The following KCNH3 variants were observed in gnomAD, a reference collection of about 807,000 sequenced individuals.
KCNH3 encodes potassium voltage-gated channel subfamily H member 3.
In KCNH3, 36 loss-of-function variants were observed where a neutral mutation model predicts 95.6. The ratio of observed to expected loss-of-function variants is 0.38; its 90% CI spans 0.29 to 0.50. The LOEUF (loss-of-function observed/expected upper bound fraction) is 0.50, where lower values mean the gene tolerates loss of function less well. KCNH3 is among the 20% of genes least tolerant of loss of function. The probability of loss-of-function intolerance (pLI) is 0.95; values close to 1 mark genes in which losing one functional copy is unlikely to be tolerated. For missense variants in KCNH3, 1,030 were observed against 1,484.1 expected, an observed-to-expected ratio of 0.69 and a Z score of 5.03; for synonymous variants, 620 against 646.3, an observed-to-expected ratio of 0.96 and a Z score of 0.62.
At chr12:49,548,531 G>T (rs910177166) in intron 7 of KCNH3, among the ~76,000 whole-genome samples, 1 of 152,138 alleles carries the variant, frequency 6.6e-6, no homozygotes, top group African/African-American at 2.4e-5. Flanking sequence ...TGAGGGCGGA[G>T]GTGGCCTCAC....
At chr12:49,548,160 G>A (rs1383717731) in intron 7 of KCNH3, among the ~76,000 whole-genome samples, 4 of 151,820 alleles carry the variant, frequency 2.6e-5, no homozygotes, top group South Asian at 2.1e-4. Flanking sequence ...GAATGTATTC[G>A]CCTGTGTGCT....
intron 2 of KCNH3, 100 bp from the exon 3 acceptor site, chr12:49,541,530 C>G: frequency 1.4e-6 from 2 of 1,412,764 alleles, no homozygotes; most frequent in Non-Finnish European, 1.9e-6. Flanking sequence ...ACCGCTAGAT[C>G]CTGCCTGTGT....
chr12:49,543,143 C>T (rs1937931735), intron 4 of KCNH3, 132 bp from the exon 5 acceptor site: 10 of 1,001,836 alleles, frequency 1.0e-5, no homozygotes, highest in African/African-American at 1.6e-5. Flanking sequence ...GATGCTAATG[C>T]CATCTCGAAG....
At chr12:49,556,673 C>G in intron 13 of KCNH3, 197 bp downstream of exon 13, 1 of 699,976 alleles carries the variant, frequency 1.4e-6, no homozygotes, top group Non-Finnish European at 2.6e-6. Context: ...TTCGACGCAG[C>G]CAGGAACTGG....
At chr12:49,550,043 T>TTGCCCC in intron 9 of KCNH3, 37 bp from the exon 10 acceptor site, 69 of 1,299,502 alleles carry the variant, frequency 5.3e-5, no homozygotes, top group Non-Finnish European at 6.9e-5. Flanking sequence ...CTTCTGCCAC[T>TTGCCCC]CCCAACCCCC....
At position 49,557,433 on chromosome 12, in the gene KCNH3, C is replaced by A; in HGVS notation, c.2732C>A (p.Ala911Glu). The A allele has an allele frequency of 6.2e-7, 1 of 1,605,188 alleles. No individual in the cohort carries two copies. The highest frequency in any genetic ancestry group is 8.5e-7 in the Non-Finnish European group (1 of 1,174,844). ...SLRQAVQLVL[A>E]PHREGPCPRA... ...CGCCAGGCTGTGCAGCTTGTCCTGG[C>A]GCCCCACAGGGAGGGTCCGTGCCCT... Residue 911 changes from alanine to glutamate, a missense_variant, in exon 15 of 15, where the codon GCG becomes GAG. By Grantham distance (107) the Ala-to-Glu change is moderately radical (BLOSUM62 -1). Around this residue, in one of 9 missense-constraint regions of KCNH3, gnomAD observed 464 missense variants for 493.2 expected, o/e 0.94. Transcript: ENST00000257981.
chr12:49,544,102 G>T, intron 6 of KCNH3, 30 bp downstream of exon 6: 2 of 1,606,148 alleles, frequency 1.2e-6, no homozygotes, highest in Non-Finnish European at 1.7e-6. Flanking sequence ...CTGGGTGGGT[G>T]GGCTTGGCCA....
rs140646304 is a variant in KCNH3 at position 49,544,235 on chromosome 12, C to A, written c.1042C>A (p.Arg348=). The A allele has an allele frequency of 5.0e-6, 8 of 1,597,380 alleles. No individual in the cohort carries two copies. The Admixed American group carries it at 1.2e-4, about 24-fold the overall frequency. ...GCTGCGCCTGCTGCGCCTGCTTCCG[C>A]GGCTGGACCGGTACTCGCAGTACAG... is the stretch of plus-strand genomic sequence containing the variant. ...RLLRLLRLLP[R]LDRYSQYSAV... is the part of the protein sequence containing the mutation. Residue 348 remains arginine, a synonymous_variant, in exon 7 of 15, where the codon CGG becomes AGG. Coordinates refer to ENST00000257981, the MANE Select transcript of KCNH3 (RefSeq NM_012284.3).
Position 49,557,643 on chromosome 12 carries a change from C to T in KCNH3, c.2942C>T (p.Ala981Val). The T allele has an allele frequency of 6.2e-6, 10 of 1,613,334 alleles. No homozygotes were observed. The highest frequency in any genetic ancestry group is 8.5e-6 in the Non-Finnish European group (10 of 1,179,752). ...LMAPWPWGPP[A>V]SQSSPWPRAT... ...GCACCCTGGCCCTGGGGTCCCCCAG[C>T]GTCTCAGAGCTCCCCCTGGCCTCGA... The change falls in exon 15 of 15, where the codon GCG becomes GTG. Residue 981 changes from alanine (A) to valine (V), a missense_variant. Transcript: ENST00000257981.
intron 11 of KCNH3, among the ~76,000 whole-genome samples, chr12:49,555,249 G>C: frequency 6.8e-6 from 1 of 147,674 alleles, no homozygotes; most frequent in Non-Finnish European, 1.5e-5. Context: ...GACCATCCTC[G>C]CTAACACGGT....
chr12:49,551,632 C>A (rs1323283830), intron 10 of KCNH3, among the ~76,000 whole-genome samples: 1 of 150,240 alleles, frequency 6.7e-6, no homozygotes, highest in Non-Finnish European at 1.5e-5. Context: ...AGCTCTATGG[C>A]TGCAAGAGAC....
rs1938417695 is a variant in KCNH3, at chr12:49,555,741, T to C, written c.2258T>C (p.Leu753Pro). Residue 753 changes from leucine (L) to proline (P), a missense_variant, in exon 12 of 15, where the codon CTG becomes CCG. This residue lies in a region of KCNH3 where 464 missense variants were observed against 493.2 expected (regional missense o/e 0.94). Coordinates refer to ENST00000257981, the MANE Select transcript of KCNH3 (RefSeq NM_012284.3). ...CCAGCTGATGAGCCCTCCAGCCCCC[T>C]GCTGTCCCCTGGCTGCACCTCCTCA... ...PAPADEPSSP[L>P]LSPGCTSSSS... 6.2e-7 allele frequency: 1 copy of C among 1,613,230 alleles called. No individual in the cohort carries two copies. The highest frequency in any genetic ancestry group is 1.7e-5 in the Admixed American group (1 of 59,946).
rs1399572090 is a variant in KCNH3 at position 49,549,187 on chromosome 12, C to T, written c.1468+14C>T. ...TGCTCATCGGCGGTGAGCCCGGCCG[C>T]GCGCGTCTTCCCGGGGCCACTCCCA... On this transcript the variant is annotated intron_variant, in intron 8 of 14. Coordinates refer to ENST00000257981, the MANE Select transcript of KCNH3 (RefSeq NM_012284.3). 3 of 1,568,612 alleles carry T rather than the reference C, an allele frequency of 1.9e-6. No homozygotes were observed. Among genetic ancestry groups the T allele is most frequent in the Admixed American group, 1.8e-5 (1 of 55,240 alleles).
Position 49,544,200 on chromosome 12 carries a change from C to CG in KCNH3, c.1009dup (p.Val337GlyfsTer59). On this transcript the variant is annotated frameshift_variant, in exon 7 of 15. Coordinates refer to ENST00000257981, the MANE Select transcript of KCNH3 (RefSeq NM_012284.3). LOFTEE classifies it high-confidence loss of function. ...TACTTCGGGGCCCATCTGCTGAAGACGGTGCGCCTGCTGCGCCTGCTGCGC... is the reference window on the plus strand; with the variant it reads ...TACTTCGGGGCCCATCTGCTGAAGACGGGTGCGCCTGCTGCGCCTGCTGCGC... 7.3e-7 allele frequency: 1 copy of CG among 1,372,494 alleles called. No homozygotes were observed. Among genetic ancestry groups the CG allele is most frequent in the African/African-American group, 1.5e-5 (1 of 66,800 alleles). 85.0% of individuals were successfully genotyped at this position (1,372,494 alleles called of 1,614,324 possible). A position where few individuals can be genotyped will look rare whatever the true frequency, so the allele number is the denominator to read the frequency against.
At chr12:49,551,795 G>A (rs555127270) in intron 10 of KCNH3, among the ~76,000 whole-genome samples, 1 of 151,488 alleles carries the variant, frequency 6.6e-6, no homozygotes, top group African/African-American at 2.4e-5. Flanking sequence ...GACTGCTGAA[G>A]CCCTGGGGCT....
At position 49,541,108 on chromosome 12, in the gene KCNH3, G is replaced by T; in HGVS notation, c.286G>T (p.Glu96Ter). 1 of 1,607,484 alleles carries T rather than the reference G, an allele frequency of 6.2e-7. No homozygotes were observed. ...GGACGAGCACAAGGAGTTCAAGGCT[G>T]AGCTGATCCTGTACCGGAAGAGCGG... ...ALDEHKEFKA[E>*]LILYRKSGLP... Residue 96 changes from glutamate (E) to a stop codon, truncating the protein, a stop_gained, in exon 2 of 15, where the codon GAG becomes TAG. Transcript: ENST00000257981. LOFTEE classifies it high-confidence loss of function.
At chr12:49,543,593 T>A (rs1013267535) in intron 5 of KCNH3, 75 bp downstream of exon 5, 179 of 1,543,928 alleles carry the variant, frequency 1.2e-4, no homozygotes, top group Admixed American at 2.1e-4. Flanking sequence ...TCCACGTGGC[T>A]TCCAGGGTGC....
At position 49,539,422 on chromosome 12, in the gene KCNH3, G is replaced by C. The variant is rs1320854975; in HGVS notation, c.6G>C (p.Pro2=). Residue 2 remains proline (P), a synonymous_variant, in exon 1 of 15, where the codon CCG becomes CCC. Coordinates refer to ENST00000257981, the MANE Select transcript of KCNH3 (RefSeq NM_012284.3). This position sits in a 1 kb window ranked among gnomAD's most constrained non-coding sequence, Gnocchi z 6.7. M[P]AMRGLLAPQN... is the part of the protein sequence containing the mutation. ...GGCAGCCGCGGGCGCCTAAGATGCCGGCCATGCGGGGCCTCCTGGCGCCGC... is the reference window on the plus strand; with the variant it reads ...GGCAGCCGCGGGCGCCTAAGATGCCCGCCATGCGGGGCCTCCTGGCGCCGC... 18 of 1,557,684 alleles carry C rather than the reference G, an allele frequency of 1.2e-5. No homozygotes were observed. Among genetic ancestry groups the C allele is most frequent in the Non-Finnish European group, 1.6e-5 (18 of 1,156,512 alleles).
In KCNH3 at chr12:49,550,475, G is replaced by A. The variant is rs966373944; in HGVS notation, c.1918+146G>A. On this transcript the variant is annotated intron_variant, in intron 10 of 14. Transcript: ENST00000257981. ...AGTCAGGAGTAGTTATGGAGTCCTG[G>A]TCAAAGCTCAGAGAAGCCCCAGTGA... 6 of 1,065,264 alleles carry A rather than the reference G, an allele frequency of 5.6e-6. No individual in the cohort carries two copies. In the Admixed American group the frequency reaches 8.0e-5, roughly 14 times the overall value. 66.0% of individuals were successfully genotyped at this position (1,065,264 alleles called of 1,614,324 possible).
Sources: allele counts gnomAD v4.1 joint callset (sites outside exome capture counted in the v4.1 genomes callset), GRCh38; gene constraint gnomAD v4.1.1; regional missense constraint gnomAD v4.1.1; non-coding constraint Gnocchi (gnomAD v3.1); transcripts MANE v1.5; gene names NCBI Gene and HGNC (gene_info 2026-07-23, HGNC 2026-07-21).